The following SHQ1 variants were observed in gnomAD, a reference collection of about 807,000 sequenced individuals.
SHQ1 encodes the protein protein SHQ1 homolog.
A neutral mutation model predicts 53.8 loss-of-function variants in SHQ1; 49 were observed. The observed-to-expected ratio is 0.91, with a 90% CI of 0.72 to 1.16. The LOEUF is 1.16. Among genes scored for constraint, SHQ1 ranks in the 50% most tolerant of loss-of-function variants. The pLI is 0.00. For missense variants in SHQ1, 738 were observed against 683.1 expected (o/e 1.08, Z -0.90); for synonymous variants, 243 against 251.0 (o/e 0.97, Z 0.30).
chr3:72,831,395 G>T (rs1707814965), intron 5 of SHQ1, among the ~76,000 whole-genome samples: 2 of 152,212 alleles, frequency 1.3e-5, no homozygotes, highest in African/African-American at 4.8e-5. Context: ...ATGACAAATG[G>T]AGAGACTCTT....
At position 72,759,432 on chromosome 3, in the gene SHQ1, T is replaced by C. The variant is rs527818404; in HGVS notation, c.1182-8596A>G. Among the ~76,000 whole-genome samples the C allele has an allele frequency of 1.3e-4, 20 of 152,344 alleles. No individual in the cohort carries two copies. In the East Asian group the frequency reaches 2.9e-3, roughly 22 times the overall value. ...GAGGCTGGAGGCAGCAGCTCACACC[T>C]GTAATCCCAGCACTTTGGGAGGCCA... On this transcript the variant is annotated intron_variant, in intron 10 of 10. Transcript: ENST00000325599.
intron 10 of SHQ1, among the ~76,000 whole-genome samples, chr3:72,768,772 C>T (rs893709776): frequency 2.6e-5 from 4 of 152,196 alleles, no homozygotes; most frequent in African/African-American, 9.6e-5. Flanking sequence ...GCTTAATGGT[C>T]ATCCATAGTG....
At chr3:72,785,116 G>A (rs776209308) in intron 10 of SHQ1, among the ~76,000 whole-genome samples, 1 of 152,232 alleles carries the variant, frequency 6.6e-6, no homozygotes, top group African/African-American at 2.4e-5. Flanking sequence ...GATCTGTGGA[G>A]TGGCCATCCT....
At chr3:72,753,740 G>A (rs2106704518) in intron 10 of SHQ1, 1 of 606,140 alleles carries the variant, frequency 1.6e-6, no homozygotes, top group African/African-American at 2.0e-5. Context: ...TATAACCCCT[G>A]GCTAATCTTT....
chr3:72,741,404 G>A, the SHQ1 span, among the ~76,000 whole-genome samples: 5 of 152,120 alleles, frequency 3.3e-5, no homozygotes, highest in African/African-American at 9.7e-5. Flanking sequence ...TGGCCAACAA[G>A]GCAAAACCCC....
intron 10 of SHQ1, among the ~76,000 whole-genome samples, chr3:72,778,645 C>A (rs1305395343): frequency 1.3e-5 from 2 of 151,988 alleles, no homozygotes; most frequent in African/African-American, 4.8e-5. Flanking sequence ...TACAAACATT[C>A]AAAAAACACA....
rs146640333 is a variant in SHQ1 at position 72,750,473 on chromosome 3, G to C, written c.1545C>G (p.Ile515Met). Residue 515 changes from isoleucine (I) to methionine (M), a missense_variant, in exon 11 of 11, where the codon ATC becomes ATG. Physicochemically the swap from Ile to Met is conservative, Grantham distance 10 (BLOSUM62 1). Coordinates refer to ENST00000325599, the MANE Select transcript of SHQ1 (RefSeq NM_018130.3). ...VDGGVRRNTA[I>M]QESDASQGKP... is the part of the protein sequence containing the mutation. ...TTCCCTGACTGGCATCAGACTCCTG[G>C]ATGGCTGTGTTTCTGCGTACTCCAC... is the stretch of plus-strand genomic sequence containing the variant. The C allele has an allele frequency of 2.3e-5, 37 of 1,614,152 alleles. No individual in the cohort carries two copies. In the East Asian group the frequency reaches 2.5e-4, roughly 11 times the overall value.
chr3:72,775,235 A>G (rs560814387), intron 10 of SHQ1, among the ~76,000 whole-genome samples: 3 of 152,118 alleles, frequency 2.0e-5, no homozygotes, highest in Non-Finnish European at 4.4e-5. Context: ...TCAGAAATGT[A>G]AAAGACAACA....
chr3:72,775,875 T>C (rs1462809756), intron 10 of SHQ1, among the ~76,000 whole-genome samples: 4 of 152,172 alleles, frequency 2.6e-5, no homozygotes, highest in Admixed American at 6.5e-5. Context: ...AAAATAAGAA[T>C]AACATGAATC....
chr3:72,762,573 G>A lies in SHQ1; in HGVS notation c.1182-11737C>T, dbSNP rs78871804. Among the ~76,000 whole-genome samples, 995 of 152,332 alleles carry A rather than the reference G, an allele frequency of 6.5e-3. 15 individuals carry two copies. Among genetic ancestry groups the A allele is most frequent in the African/African-American group, 0.023 (952 of 41,568 alleles). ...CCTCTTGGAATTGTATACCTCACTT[G>A]AATTGTGTACCTCGCAAGGTCTCCC... On this transcript the variant is annotated intron_variant, in intron 10 of 10. Transcript: ENST00000325599.
intron 4 of SHQ1, among the ~76,000 whole-genome samples, chr3:72,838,263 A>G (rs1221541792): frequency 1.3e-5 from 2 of 152,218 alleles, no homozygotes; most frequent in Admixed American, 1.3e-4. Context: ...TGATCCCAGT[A>G]TTGCACATAT....
chr3:72,813,202 T>C (rs887278044), intron 8 of SHQ1, among the ~76,000 whole-genome samples: 18 of 152,316 alleles, frequency 1.2e-4, no homozygotes, highest in Admixed American at 9.1e-4. Flanking sequence ...CCGGGAGTGG[T>C]GGCTCATGCC....
intron 10 of SHQ1, among the ~76,000 whole-genome samples, chr3:72,767,101 G>A (rs1007189217): frequency 2.0e-5 from 3 of 152,156 alleles, no homozygotes; most frequent in Admixed American, 6.6e-5. Context: ...ACACCACAGG[G>A]CTAGCCACAA....
the SHQ1 span, among the ~76,000 whole-genome samples, chr3:72,728,578 G>A: frequency 0.014 from 2,089 of 152,290 alleles, 48 homozygotes; most frequent in African/African-American, 0.047. Flanking sequence ...GGAGGGAGAA[G>A]AGCATGGAAG....
At chr3:72,798,391 A>T (rs78322849) in intron 9 of SHQ1, among the ~76,000 whole-genome samples, 14 of 152,348 alleles carry the variant, frequency 9.2e-5, no homozygotes, top group Admixed American at 9.1e-4. Flanking sequence ...GCAGTTTAAC[A>T]CTGTATCCTG....
chr3:72,780,592 T>A (rs1194957913), intron 10 of SHQ1, among the ~76,000 whole-genome samples: 1 of 152,200 alleles, frequency 6.6e-6, no homozygotes, highest in African/African-American at 2.4e-5. Flanking sequence ...AAAGAATGTG[T>A]CTTTGGGTTC....
chr3:72,759,014 T>C (rs1003268991), intron 10 of SHQ1, among the ~76,000 whole-genome samples: 2 of 152,238 alleles, frequency 1.3e-5, no homozygotes, highest in Non-Finnish European at 2.9e-5. Flanking sequence ...CTCCAAGCTC[T>C]GCCTCTGTTG....
chr3:72,780,789 A>C (rs1205315947), intron 10 of SHQ1, among the ~76,000 whole-genome samples: 1 of 152,164 alleles, frequency 6.6e-6, no homozygotes, highest in East Asian at 1.9e-4. Flanking sequence ...CTGGGATGTA[A>C]AGTAATATCT....
chr3:72,772,535 TA>T, intron 10 of SHQ1: 1 of 656,924 alleles, frequency 1.5e-6, no homozygotes. Flanking sequence ...GTACACAACC[TA>T]AGCTTTAGAG....
Sources: gnomAD v4.1 joint callset for allele counts (sites outside exome capture counted in the v4.1 genomes callset) on GRCh38, gnomAD v4.1.1 for gene constraint, MANE v1.5 for transcripts, NCBI Gene and HGNC (gene_info 2026-07-23, HGNC 2026-07-21) for gene names.